The following RAPGEF6 variants were observed in gnomAD, a reference collection of about 807,000 sequenced individuals.
The protein encoded by RAPGEF6 is Rap guanine nucleotide exchange factor 6.
A neutral mutation model predicts 171.4 loss-of-function variants in RAPGEF6; 56 were observed. The ratio of observed to expected loss-of-function variants is 0.33; its 90% CI spans 0.26 to 0.41. The LOEUF is 0.41. RAPGEF6 is among the 10% of genes least tolerant of loss of function. The pLI, the probability that RAPGEF6 is intolerant of heterozygous loss-of-function variation, is 1.00. For synonymous variants in RAPGEF6, 692 were observed against 650.1 expected (o/e 1.06, Z -0.98); for missense variants, 1,674 against 1,921.4 (o/e 0.87, Z 2.41).
intron 1 of RAPGEF6, among the ~76,000 whole-genome samples, chr5:131,623,365 C>T (rs1328989767): frequency 6.6e-6 from 1 of 152,020 alleles, no homozygotes; most frequent in Non-Finnish European, 1.5e-5. Context: ...ATAGTAATAG[C>T]ACATTTTGCC....
intron 3 of RAPGEF6, among the ~76,000 whole-genome samples, chr5:131,599,549 A>C (rs1235456881): frequency 1.3e-5 from 2 of 152,150 alleles, no homozygotes; most frequent in Non-Finnish European, 2.9e-5. Flanking sequence ...ATTTAACACA[A>C]AGTGGACACT....
At chr5:131,488,127 C>T (rs959006825) in intron 15 of RAPGEF6, among the ~76,000 whole-genome samples, 1 of 151,968 alleles carries the variant, frequency 6.6e-6, no homozygotes, top group Non-Finnish European at 1.5e-5. Flanking sequence ...TAACTTCTAC[C>T]CTCTGCTATA....
At chr5:131,634,499 T>C (rs1471683301) in intron 1 of RAPGEF6, among the ~76,000 whole-genome samples, 1 of 152,242 alleles carries the variant, frequency 6.6e-6, no homozygotes, top group Non-Finnish European at 1.5e-5. Context: ...TTTGACTGGA[T>C]GTAAACTTTT....
At chr5:131,461,452 A>G (rs983364037) in intron 19 of RAPGEF6, among the ~76,000 whole-genome samples, 2 of 152,180 alleles carry the variant, frequency 1.3e-5, no homozygotes, top group African/African-American at 2.4e-5. Flanking sequence ...TTGGAGATGA[A>G]GGGAGAGAAA....
chr5:131,607,402 A>G (rs1038522759), intron 1 of RAPGEF6, among the ~76,000 whole-genome samples: 1 of 152,236 alleles, frequency 6.6e-6, no homozygotes, highest in African/African-American at 2.4e-5. Flanking sequence ...TCTCAGCCAT[A>G]ATATTGCTGC....
rs377500801 is a variant in RAPGEF6 at position 131,573,657 on chromosome 5, G to A, written c.282-11610C>T. Among the ~76,000 whole-genome samples, 54 of 152,072 alleles carry A rather than the reference G, an allele frequency of 3.6e-4. 1 individual carries two copies. The South Asian group carries it at 0.011, about 30-fold the overall frequency. ...TGGCAATACCAGACGGACTCCCCAG[G>A]TATAGCTAGGCAAGATTACACAGTC... On this transcript the variant is annotated intron_variant, in intron 4 of 27. Coordinates refer to ENST00000509018, the MANE Select transcript of RAPGEF6 (RefSeq NM_016340.6).
intron 6 of RAPGEF6, among the ~76,000 whole-genome samples, chr5:131,534,022 CAAAG>C (rs1049133919): frequency 5.3e-5 from 8 of 151,984 alleles, no homozygotes; most frequent in Admixed American, 1.3e-4. Context: ...TCCTAGTGGC[CAAAG>C]AAAGACAGTT....
At chr5:131,572,969 C>T (rs1368949975) in intron 4 of RAPGEF6, among the ~76,000 whole-genome samples, 1 of 152,112 alleles carries the variant, frequency 6.6e-6, no homozygotes, top group Non-Finnish European at 1.5e-5. Flanking sequence ...AGGTGCCTTA[C>T]ATCCATGCAT....
chr5:131,509,111 T>C (rs1158656867), intron 8 of RAPGEF6, among the ~76,000 whole-genome samples: 1 of 152,192 alleles, frequency 6.6e-6, no homozygotes, highest in African/African-American at 2.4e-5. Context: ...CTTAATTAAA[T>C]CCTAACAATA....
At chr5:131,431,694 G>A (rs1374297096) in intron 25 of RAPGEF6, among the ~76,000 whole-genome samples, 3 of 151,400 alleles carry the variant, frequency 2.0e-5, no homozygotes, top group African/African-American at 7.3e-5. Flanking sequence ...GCACGATCAT[G>A]ATGCACTGCA....
At chr5:131,532,252 C>T in intron 6 of RAPGEF6, 1 of 338,374 alleles carries the variant, frequency 3.0e-6, no homozygotes, top group South Asian at 2.3e-5. Context: ...AAATCATACA[C>T]CACTGCAGTG....
intron 1 of RAPGEF6, among the ~76,000 whole-genome samples, chr5:131,628,486 G>T (rs1055689395): frequency 3.3e-5 from 5 of 151,968 alleles, no homozygotes; most frequent in African/African-American, 1.2e-4. Context: ...GGTTCATGAA[G>T]TTTACGAAAA....
chr5:131,537,736 G>C (rs563998739), intron 6 of RAPGEF6, among the ~76,000 whole-genome samples: 10 of 152,094 alleles, frequency 6.6e-5, no homozygotes. Flanking sequence ...GTGTCCATGG[G>C]TTCTGTACCT....
At chr5:131,536,162 T>C (rs1308283375) in intron 6 of RAPGEF6, among the ~76,000 whole-genome samples, 1 of 152,166 alleles carries the variant, frequency 6.6e-6, no homozygotes, top group Non-Finnish European at 1.5e-5. Flanking sequence ...TATTTGGTTT[T>C]TGAAATATAA....
chr5:131,517,780 TACACACACAC>T lies in RAPGEF6; in HGVS notation c.627+3600_627+3609del, dbSNP rs36091456. On this transcript the variant is annotated intron_variant, in intron 7 of 27. Coordinates refer to ENST00000509018, the MANE Select transcript of RAPGEF6 (RefSeq NM_016340.6). ...ATCTGATTGGAAACATTCGCGCATGTACACACACACACACACACACACACACACACACACA... is the reference window on the plus strand; with the variant it reads ...ATCTGATTGGAAACATTCGCGCATGTACACACACACACACACACACACACA... Among the ~76,000 whole-genome samples the T allele has an allele frequency of 9.6e-3, 1,345 of 140,314 alleles. 13 individuals are homozygous for T. Among genetic ancestry groups the T allele is most frequent in the African/African-American group, 0.026 (1,004 of 38,136 alleles). The allele number at this position is 140,314 out of a possible 152,430, so 92.1% of individuals were successfully genotyped here.
At chr5:131,451,321 C>T (rs1753051340) in intron 21 of RAPGEF6, among the ~76,000 whole-genome samples, 1 of 152,080 alleles carries the variant, frequency 6.6e-6, no homozygotes. Flanking sequence ...CAGTGGCTCA[C>T]GCCTGTAATC....
At chr5:131,508,655 T>C (rs1757520963) in intron 8 of RAPGEF6, among the ~76,000 whole-genome samples, 1 of 152,190 alleles carries the variant, frequency 6.6e-6, no homozygotes, top group African/African-American at 2.4e-5. Flanking sequence ...GAATTCTAGC[T>C]CAAGATTTGT....
chr5:131,530,360 T>A (rs1036513667), intron 6 of RAPGEF6, among the ~76,000 whole-genome samples: 1 of 152,130 alleles, frequency 6.6e-6, no homozygotes, highest in African/African-American at 2.4e-5. Context: ...AAGGAAGGCA[T>A]TTATGATTCA....
chr5:131,518,346 G>T (rs1758239557), intron 7 of RAPGEF6, among the ~76,000 whole-genome samples: 2 of 149,924 alleles, frequency 1.3e-5, no homozygotes, highest in Admixed American at 6.6e-5. Flanking sequence ...CGTTTATGCT[G>T]TTTCTATCTT....
Sources: gnomAD v4.1 joint callset for allele counts (sites outside exome capture counted in the v4.1 genomes callset) on GRCh38, gnomAD v4.1.1 for gene constraint, MANE v1.5 for transcripts, NCBI Gene and HGNC (gene_info 2026-07-23, HGNC 2026-07-21) for gene names.